Variants in DNAH12 observed in about 807,000 individuals in gnomAD.
DNAH12 encodes the protein axonemal beta dynein heavy chain 12.
DNAH12 carries 285 observed loss-of-function variants against 371.5 expected under a neutral mutation model. The observed-to-expected ratio is 0.77, with a 90% CI of 0.70 to 0.85. DNAH12 has a LOEUF of 0.85. Ranked by LOEUF, DNAH12 falls within the 40% of genes least tolerant of loss-of-function variation. The probability of loss-of-function intolerance (pLI) is 0.00; values close to 1 mark genes in which losing one functional copy is unlikely to be tolerated. For synonymous variants in DNAH12, 1,200 were observed against 1,213.0 expected, an observed-to-expected ratio of 0.99 and a Z score of 0.22; for missense variants, 3,611 against 3,689.4, an observed-to-expected ratio of 0.98 and a Z score of 0.55.
At chr3:57,451,359 A>C (rs1339124558) in intron 25 of DNAH12, among the ~76,000 whole-genome samples, 1 of 152,184 alleles carries the variant, frequency 6.6e-6, no homozygotes, top group Admixed American at 6.5e-5. Context: ...GGCCGGGCCC[A>C]GTGGCTCACG....
intron 45 of DNAH12, among the ~76,000 whole-genome samples, chr3:57,388,503 T>C (rs1278258550): frequency 6.6e-6 from 1 of 152,148 alleles, no homozygotes; most frequent in Non-Finnish European, 1.5e-5. Context: ...AGTGTATGCA[T>C]TTTTTATTAA....
chr3:57,421,417 C>T (rs912580146), intron 36 of DNAH12, 101 bp downstream of exon 36: 57 of 1,157,112 alleles, frequency 4.9e-5, no homozygotes, highest in African/African-American at 4.8e-4. Context: ...AAAAGCTCAC[C>T]GCAGGAGTCA....
chr3:57,414,118 A>G (rs1345657269), intron 38 of DNAH12, among the ~76,000 whole-genome samples: 2 of 151,064 alleles, frequency 1.3e-5, no homozygotes, highest in Admixed American at 1.3e-4. Context: ...AAAAAGTTTA[A>G]GTTTCTGTAG....
intron 45 of DNAH12, 141 bp from the exon 46 acceptor site, chr3:57,387,360 A>G (rs1289443519): frequency 6.6e-6 from 1 of 152,238 alleles, no homozygotes; most frequent in Non-Finnish European, 1.5e-5. Flanking sequence ...ACTTTAATGA[A>G]GAAAACAGAA....
chr3:57,496,233 G>A (rs1348615048), intron 11 of DNAH12, among the ~76,000 whole-genome samples: 1 of 151,852 alleles, frequency 6.6e-6, no homozygotes, highest in African/African-American at 2.4e-5. Flanking sequence ...GAGACCTTGA[G>A]CCACAGGGAC....
chr3:57,480,918 C>T (rs567674380), intron 13 of DNAH12, among the ~76,000 whole-genome samples: 1 of 152,226 alleles, frequency 6.6e-6, no homozygotes, highest in Non-Finnish European at 1.5e-5. Context: ...TGGGACGTAT[C>T]TCAAAATAAT....
At chr3:57,425,250 CTTT>C (rs541818435) in intron 34 of DNAH12, 109 bp from the exon 35 acceptor site, 1 of 588,788 alleles carries the variant, frequency 1.7e-6, no homozygotes, top group South Asian at 2.1e-5. Flanking sequence ...TTAATAAGGT[CTTT>C]TTTTTTGTTT....
At chr3:57,524,602 A>G (rs2068569686) in intron 2 of DNAH12, among the ~76,000 whole-genome samples, 1 of 152,116 alleles carries the variant, frequency 6.6e-6, no homozygotes, top group Non-Finnish European at 1.5e-5. Flanking sequence ...TGAGAAGAAA[A>G]AAACAGAGTG....
intron 13 of DNAH12, among the ~76,000 whole-genome samples, chr3:57,476,399 A>C (rs2066525062): frequency 6.6e-6 from 1 of 152,054 alleles, no homozygotes; most frequent in Non-Finnish European, 1.5e-5. Flanking sequence ...CCCCGTCTCT[A>C]CTAAAAATAC....
At chr3:57,500,164 C>CG (rs200750856) in intron 11 of DNAH12, among the ~76,000 whole-genome samples, 315 of 146,796 alleles carry the variant, frequency 2.1e-3, no homozygotes, top group African/African-American at 7.2e-3. Context: ...CTCAGCCCCC[C>CG]CTAGTAGCTG....
At chr3:57,473,119 C>G (rs985355506) in intron 13 of DNAH12, among the ~76,000 whole-genome samples, 1 of 151,956 alleles carries the variant, frequency 6.6e-6, no homozygotes, top group Non-Finnish European at 1.5e-5. Flanking sequence ...ACATCACCAC[C>G]TTTTTGGCCT....
At chr3:57,383,507 T>G (rs1250424729) in intron 49 of DNAH12, among the ~76,000 whole-genome samples, 1 of 133,010 alleles carries the variant, frequency 7.5e-6, no homozygotes, top group Non-Finnish European at 1.6e-5. Context: ...CTTAAAGGCT[T>G]TGTCAAACTA....
chr3:57,507,247 G>T (rs1351723361), intron 8 of DNAH12, among the ~76,000 whole-genome samples: 1 of 151,952 alleles, frequency 6.6e-6, no homozygotes. Flanking sequence ...TTTTCCACCA[G>T]ATACCTCTTA....
intron 2 of DNAH12, among the ~76,000 whole-genome samples, chr3:57,531,881 G>A (rs2068862304): frequency 6.6e-6 from 1 of 150,836 alleles, no homozygotes; most frequent in Non-Finnish European, 1.5e-5. Context: ...TCTTTTTCTA[G>A]GTTTGGGAAG....
At position 57,314,467 on chromosome 3, in the gene DNAH12, T is replaced by C. The variant is rs1283000065; in HGVS notation, c.10662+27A>G. 7 of 1,550,502 alleles carry C rather than the reference T, an allele frequency of 4.5e-6. No homozygotes were observed. The Admixed American group carries it at 1.4e-4, about 31-fold the overall frequency. On this transcript the variant is annotated intron_variant, in intron 66 of 73. Transcript: ENST00000495027. ...GGGCCTGATAAATAGTGATCCTTCA[T>C]GAATGTTAATTTCTTGTTAATTTTA... is the stretch of plus-strand genomic sequence containing the variant.
chr3:57,298,135 CCTTCTCAGTCCAAG>C (rs2061271668), intron 70 of DNAH12, among the ~76,000 whole-genome samples: 2 of 152,188 alleles, frequency 1.3e-5, no homozygotes, highest in African/African-American at 4.8e-5. Context: ...GTGATACCAT[CCTTCTCAGTCCAAG>C]CTTCTCAGTC....
intron 13 of DNAH12, among the ~76,000 whole-genome samples, chr3:57,477,868 C>A (rs2066591935): frequency 6.6e-6 from 1 of 152,308 alleles, no homozygotes; most frequent in South Asian, 2.1e-4. Context: ...AGGGTCCTGA[C>A]TGTTAGAAGG....
intron 11 of DNAH12, among the ~76,000 whole-genome samples, chr3:57,494,217 G>C (rs2067229747): frequency 6.6e-6 from 1 of 152,106 alleles, no homozygotes; most frequent in Admixed American, 6.6e-5. Flanking sequence ...GGATAACAGA[G>C]TGAGACCCTG....
At chr3:57,393,647 A>G (rs2063675545) in intron 44 of DNAH12, among the ~76,000 whole-genome samples, 1 of 142,192 alleles carries the variant, frequency 7.0e-6, no homozygotes, top group South Asian at 2.1e-4. Context: ...AAAAAAAAAA[A>G]AAAAGAAAGA....
Sources: gnomAD v4.1 joint callset for allele counts (sites outside exome capture counted in the v4.1 genomes callset) on GRCh38, gnomAD v4.1.1 for gene constraint, MANE v1.5 for transcripts, NCBI Gene and HGNC (gene_info 2026-07-23, HGNC 2026-07-21) for gene names.